Variants in SLC6A13 observed in about 807,000 individuals in gnomAD.
The protein encoded by SLC6A13 is solute carrier family 6 member 13.
SLC6A13 carries 69 observed loss-of-function variants against 72.9 expected under a neutral mutation model. The observed-to-expected ratio is 0.95, with a 90% CI of 0.78 to 1.16. The LOEUF (loss-of-function observed/expected upper bound fraction) is 1.16. Ranked by LOEUF, SLC6A13 falls within the 50% of genes most tolerant of loss-of-function variation. The pLI, the probability that SLC6A13 is intolerant of heterozygous loss-of-function variation, is 0.00. For missense variants in SLC6A13, 735 were observed against 760.5 expected (o/e 0.97, Z 0.39); for synonymous variants, 303 against 303.0 (o/e 1.00, Z 0.00).
intron 7 of SLC6A13, among the ~76,000 whole-genome samples, chr12:229,878 G>A (rs1006778096): frequency 3.9e-5 from 6 of 152,146 alleles, no homozygotes; most frequent in Non-Finnish European, 7.4e-5. Flanking sequence ...CATTTACCTC[G>A]CCTCGGCAGG....
Position 233,667 on chromosome 12 carries a change from G to A in SLC6A13, c.831+1423C>T, listed in dbSNP as rs577890149. ...GGAGATGAGCTCCCAAGAGATAAAT[G>A]TACGAAGCGGGTGGGGAGAGGAGGG... On this transcript the variant is annotated intron_variant, in intron 7 of 14. Transcript: ENST00000343164. 8.6e-5 allele frequency among the ~76,000 whole-genome samples: 13 copies of A among 151,400 alleles called. No individual in the cohort carries two copies. The South Asian group carries it at 2.3e-3, about 27-fold the overall frequency.
At chr12:227,375 T>C (rs1408523425) in intron 8 of SLC6A13, 190 bp downstream of exon 8, 2 of 555,326 alleles carry the variant, frequency 3.6e-6, no homozygotes, top group East Asian at 2.9e-4. Context: ...CCCTTTCGGA[T>C]GCAATTCTCT....
chr12:259,528 T>A, intron 2 of SLC6A13: 1 of 1,355,894 alleles, frequency 7.4e-7, no homozygotes, highest in Non-Finnish European at 9.5e-7. Context: ...GAGCGGCAAT[T>A]GATGCTCTGA....
intron 2 of SLC6A13, among the ~76,000 whole-genome samples, chr12:253,243 G>A (rs967924263): frequency 1.1e-4 from 17 of 152,176 alleles, no homozygotes; most frequent in African/African-American, 4.1e-4. Flanking sequence ...CACTTGTAAC[G>A]TTCCAGCCAA....
chr12:259,452 T>G (rs987501295), intron 2 of SLC6A13: 1 of 1,203,864 alleles, frequency 8.3e-7, no homozygotes, highest in Non-Finnish European at 1.0e-6. Context: ...ATTAAGTGCT[T>G]TACACACATT....
chr12:225,843 C>G (rs1215242244), intron 9 of SLC6A13, among the ~76,000 whole-genome samples: 1 of 152,140 alleles, frequency 6.6e-6, no homozygotes, highest in East Asian at 1.9e-4. Flanking sequence ...CTTATCCAGA[C>G]TGGGGCCTGG....
chr12:244,259 C>T (rs1942271448), intron 2 of SLC6A13, among the ~76,000 whole-genome samples: 1 of 152,176 alleles, frequency 6.6e-6, no homozygotes, highest in Non-Finnish European at 1.5e-5. Context: ...TTGAATGTAT[C>T]CCCTAAAGTT....
intron 7 of SLC6A13, 132 bp from the exon 8 acceptor site, chr12:227,800 T>C (rs1202719035): frequency 9.6e-6 from 7 of 726,738 alleles, no homozygotes; most frequent in Non-Finnish European, 1.6e-5. Context: ...AGCCAACACT[T>C]GCATCCTGCT....
intron 2 of SLC6A13, among the ~76,000 whole-genome samples, chr12:253,917 T>G (rs1942647165): frequency 6.6e-6 from 1 of 152,128 alleles, no homozygotes; most frequent in African/African-American, 2.4e-5. Flanking sequence ...GACTTAGAAA[T>G]TAAGTGAAAA....
chr12:222,687 G>C, intron 12 of SLC6A13, 55 bp from the exon 13 acceptor site: 1 of 1,157,320 alleles, frequency 8.6e-7, no homozygotes, highest in Non-Finnish European at 1.3e-6. Flanking sequence ...TGGCACCCAG[G>C]ACATCAGGAT....
chr12:223,038 T>A (rs771953416), intron 12 of SLC6A13, 94 bp downstream of exon 12: 1 of 762,662 alleles, frequency 1.3e-6, no homozygotes, highest in Non-Finnish European at 2.2e-6. Flanking sequence ...CAGGAAAAGT[T>A]AAGTGCGAGC....
chr12:224,226 CCTCA>C, intron 10 of SLC6A13, 97 bp from the exon 11 acceptor site: 1 of 1,525,418 alleles, frequency 6.6e-7, no homozygotes, highest in Non-Finnish European at 9.0e-7. Flanking sequence ...GCCCTGCCAG[CCTCA>C]CTGTCTCAGG....
At position 238,129 on chromosome 12, in the gene SLC6A13, G is replaced by A. The variant is rs1327959693; in HGVS notation, c.479-119C>T. ...AAGGAAGGTATTTGGCAGGAGCCAGGCTAAGGTTATCTGTACAAAACATCC... is the reference window on the plus strand; with the variant it reads ...AAGGAAGGTATTTGGCAGGAGCCAGACTAAGGTTATCTGTACAAAACATCC... On this transcript the variant is annotated intron_variant, in intron 4 of 14. Transcript: ENST00000343164. 3 of 1,554,036 alleles carry A rather than the reference G, an allele frequency of 1.9e-6. No individual in the cohort carries two copies. The East Asian group carries it at 6.9e-5, about 36-fold the overall frequency.
chr12:238,897 T>C (rs984886580), intron 4 of SLC6A13, among the ~76,000 whole-genome samples: 1 of 151,540 alleles, frequency 6.6e-6, no homozygotes, highest in Non-Finnish European at 1.5e-5. Flanking sequence ...TTCACCCTTG[T>C]TCCCCTCGTG....
chr12:231,685 G>C (rs1003904216), intron 7 of SLC6A13, among the ~76,000 whole-genome samples: 2 of 152,232 alleles, frequency 1.3e-5, no homozygotes, highest in South Asian at 4.1e-4. Context: ...TCCCAGAGTA[G>C]AGACTGAAAG....
intron 2 of SLC6A13, among the ~76,000 whole-genome samples, chr12:257,851 C>G (rs757155388): frequency 2.0e-5 from 3 of 152,208 alleles, no homozygotes; most frequent in Non-Finnish European, 4.4e-5. Context: ...CCCACCTCTT[C>G]GTGCCATTCC....
chr12:235,733 C>G (rs764483717), intron 6 of SLC6A13, among the ~76,000 whole-genome samples: 20 of 152,158 alleles, frequency 1.3e-4, no homozygotes, highest in Non-Finnish European at 2.4e-4. Context: ...CAAAAACAGC[C>G]ATATTTTTCT....
chr12:239,186 GCTCT>G (rs1317870179), intron 4 of SLC6A13, among the ~76,000 whole-genome samples: 8 of 99,820 alleles, frequency 8.0e-5, no homozygotes, highest in Admixed American at 3.0e-4. Flanking sequence ...TCAGCCACGT[GCTCT>G]ACCACGTCCA....
Position 235,189 on chromosome 12 carries a change from C to G in SLC6A13, c.732G>C (p.Met244Ile), listed in dbSNP as rs1018351912. Residue 244 changes from methionine to isoleucine, a missense_variant, in exon 7 of 15, where the codon ATG (methionine) becomes ATC (isoleucine). Met to Ile is a conservative substitution (Grantham distance 10). Transcript: ENST00000343164. ...VYFTATFPYLMLVVLLIRGVT... is the reference protein window; with the variant it reads ...VYFTATFPYLILVVLLIRGVT... ...CCCCTCGAATTAACAGGACCACCAG[C>G]ATGAGGTAAGGAAATGTGGCCGTGA... 5 of 1,614,068 alleles carry G rather than the reference C, an allele frequency of 3.1e-6. No homozygotes were observed. The highest frequency in any genetic ancestry group is 4.2e-6 in the Non-Finnish European group (5 of 1,180,032).
Sources: allele counts gnomAD v4.1 joint callset (sites outside exome capture counted in the v4.1 genomes callset), GRCh38; gene constraint gnomAD v4.1.1; transcripts MANE v1.5; gene names NCBI Gene and HGNC (gene_info 2026-07-23, HGNC 2026-07-21).